SERPINA5: variants seen among roughly 807,000 people sequenced by gnomAD.
SERPINA5 encodes the protein serpin family A member 5.
SERPINA5 carries 25 observed loss-of-function variants against 25.3 expected under a neutral mutation model. The ratio of observed to expected loss-of-function variants is 0.99; its 90% CI spans 0.72 to 1.38. The LOEUF is 1.38. SERPINA5 is among the 40% of genes most tolerant of loss of function. SERPINA5 has a pLI of 0.00. For synonymous variants in SERPINA5, 234 were observed against 206.2 expected (o/e 1.14, Z -1.16); for missense variants, 599 against 509.5 (o/e 1.18, Z -1.69).
chr14:94,590,173 C>G lies in SERPINA5; in HGVS notation c.752C>G (p.Ser251Cys). ...QYHYLLDRNL[S>C]CRVVGVPYQG... The stretch of plus-strand genomic sequence containing the variant: ...CACTACCTCCTGGACCGGAACCTCT[C>G]CTGCAGGGTGGTGGGGGTCCCCTAC... Residue 251 changes from serine (S) to cysteine (C), a missense_variant, in exon 4 of 6, where the codon TCC (serine) becomes TGC (cysteine). Ser to Cys is a moderately radical substitution (Grantham distance 112). Transcript: ENST00000329597. 1 of 1,614,152 alleles carries G rather than the reference C, an allele frequency of 6.2e-7. No homozygotes were observed. Among genetic ancestry groups the G allele is most frequent in the South Asian group, 1.1e-5 (1 of 91,076 alleles).
intron 2 of SERPINA5, among the ~76,000 whole-genome samples, chr14:94,584,969 C>T (rs1885027408): frequency 6.6e-6 from 1 of 152,172 alleles, no homozygotes; most frequent in Admixed American, 6.5e-5. Context: ...TAGGGAGTGT[C>T]AGTGGGGGGA....
intron 2 of SERPINA5, among the ~76,000 whole-genome samples, chr14:94,585,330 G>T (rs1004048357): frequency 2.0e-5 from 3 of 152,162 alleles, no homozygotes; most frequent in African/African-American, 7.2e-5. Context: ...TGCCAGGTTC[G>T]ATTCTGCAGG....
Position 94,581,506 on chromosome 14 carries a change from G to C in SERPINA5, c.-114+16G>C, listed in dbSNP as rs897883578. The C allele has an allele frequency of 2.0e-5, 3 of 152,288 alleles. No individual in the cohort carries two copies. The highest frequency in any genetic ancestry group is 4.4e-5 in the Non-Finnish European group (3 of 68,124). The allele number at this position is 152,288 out of a possible 1,614,324, so 9.4% of individuals were successfully genotyped here. The stretch of plus-strand genomic sequence containing the variant: ...ACGGGACACAGTAAGTACCGATGCC[G>C]CAAAGGGAGGTCCCCAGGGCTTGAG... On this transcript the variant is annotated intron_variant, in intron 1 of 5. Transcript: ENST00000329597.
rs1885247831 is a variant in SERPINA5 at position 94,590,648 on chromosome 14, A to G, written c.891-101A>G. Reference sequence around the variant, plus strand: ...TTGGGTTAAGGAGTCCTTTTTTAAAACCATCAAAACTAAGAATCCAGTGCA... The same window carrying G: ...TTGGGTTAAGGAGTCCTTTTTTAAAGCCATCAAAACTAAGAATCCAGTGCA... On this transcript the variant is annotated intron_variant, in intron 4 of 5. Transcript: ENST00000329597. 1.3e-5 allele frequency: 18 copies of G among 1,360,488 alleles called. No individual in the cohort carries two copies. In the South Asian group the frequency reaches 2.5e-4, roughly 19 times the overall value. The allele number at this position is 1,360,488 out of a possible 1,614,324, so 84.3% of individuals were successfully genotyped here. A position where few individuals can be genotyped will look rare whatever the true frequency, so the allele number is the denominator to read the frequency against.
At position 94,581,458 on chromosome 14, in the gene SERPINA5, C is replaced by G. The variant is rs1884916247; in HGVS notation, c.-146C>G. ...CTTTCTGAGCCCGAGGGACTGCCAC[C>G]TCCACTGTGTGCACACTCAGCTACG... On this transcript the variant is annotated 5_prime_UTR_variant, in exon 1 of 6. Coordinates refer to ENST00000329597, the MANE Select transcript of SERPINA5 (RefSeq NM_000624.6). 1.3e-5 allele frequency: 2 copies of G among 152,308 alleles called. No individual in the cohort carries two copies. Among genetic ancestry groups the G allele is most frequent in the African/African-American group, 4.8e-5 (2 of 41,464 alleles). 9.4% of individuals were successfully genotyped at this position (152,308 alleles called of 1,614,324 possible).
At chr14:94,588,660 T>C (rs970923040) in intron 3 of SERPINA5, among the ~76,000 whole-genome samples, 1 of 152,176 alleles carries the variant, frequency 6.6e-6, no homozygotes, top group African/African-American at 2.4e-5. Flanking sequence ...TGGTCACAGA[T>C]CATGAGTATC....
intron 3 of SERPINA5, 44 bp from the exon 4 acceptor site, chr14:94,589,997 C>T (rs745892216): frequency 3.7e-5 from 57 of 1,527,638 alleles, no homozygotes; most frequent in Non-Finnish European, 4.8e-5. Flanking sequence ...ATTTCTAATT[C>T]TGACACAAAA....
intron 2 of SERPINA5, chr14:94,586,902 G>C (rs1430064644): frequency 1.9e-5 from 3 of 158,816 alleles, no homozygotes; most frequent in Admixed American, 6.2e-5. Flanking sequence ...GTTCATAGAA[G>C]GACCACAGCG....
intron 5 of SERPINA5, among the ~76,000 whole-genome samples, chr14:94,591,208 TCTCCACTCCACTC>T (rs1372575551): frequency 5.6e-4 from 70 of 124,470 alleles, no homozygotes; most frequent in African/African-American, 9.7e-4. Context: ...CCACTCCACA[TCTCCACTCCACTC>T]CTCCACTCCA....
At chr14:94,584,883 T>A (rs1885024919) in intron 2 of SERPINA5, among the ~76,000 whole-genome samples, 1 of 152,164 alleles carries the variant, frequency 6.6e-6, no homozygotes, top group African/African-American at 2.4e-5. Context: ...AATAGACTCA[T>A]TTAGAGAAGC....
chr14:94,584,128 C>T lies in SERPINA5; in HGVS notation c.-18+2418C>T, dbSNP rs569268528. Among the ~76,000 whole-genome samples the T allele has an allele frequency of 6.6e-5, 10 of 152,248 alleles. No individual in the cohort carries two copies. In the East Asian group the frequency reaches 1.2e-3, roughly 18 times the overall value. Reference sequence around the variant, plus strand: ...ACCAGGAGGTGAGGTCGAGGAGGAACGAGGTATCACTCCTCAGAGCCACTC... The same window carrying T: ...ACCAGGAGGTGAGGTCGAGGAGGAATGAGGTATCACTCCTCAGAGCCACTC... On this transcript the variant is annotated intron_variant, in intron 2 of 5. Transcript: ENST00000329597.
intron 5 of SERPINA5, among the ~76,000 whole-genome samples, chr14:94,591,112 C>T (rs1276225830): frequency 1.4e-5 from 2 of 147,904 alleles, no homozygotes; most frequent in East Asian, 2.0e-4. Context: ...TTCAGTTCCA[C>T]TCCACTCCAC....
intron 3 of SERPINA5, among the ~76,000 whole-genome samples, chr14:94,589,372 TGGG>T (rs1885201461): frequency 6.6e-6 from 1 of 151,546 alleles, no homozygotes; most frequent in African/African-American, 2.4e-5. Flanking sequence ...CACTTGAACC[TGGG>T]AGGTGGGGGC....
chr14:94,591,604 A>ATTC (rs1885303671), intron 5 of SERPINA5, among the ~76,000 whole-genome samples: 2 of 148,060 alleles, frequency 1.4e-5, no homozygotes, highest in African/African-American at 2.6e-5. Flanking sequence ...ATTCTATTCT[A>ATTC]TTCTATTCTC....
intron 5 of SERPINA5, 137 bp from the exon 6 acceptor site, chr14:94,591,920 T>G: frequency 2.1e-6 from 2 of 948,404 alleles, no homozygotes; most frequent in Non-Finnish European, 3.2e-6. Context: ...TGCTCCATTG[T>G]TCCATTTCCT....
chr14:94,584,800 A>T (rs1294587971), intron 2 of SERPINA5, among the ~76,000 whole-genome samples: 2 of 152,126 alleles, frequency 1.3e-5, no homozygotes, highest in Non-Finnish European at 2.9e-5. Context: ...GTTGAGCCAC[A>T]TTGTTTCTTT....
intron 5 of SERPINA5, 136 bp from the exon 6 acceptor site, chr14:94,591,921 T>C: frequency 4.2e-6 from 4 of 961,058 alleles, no homozygotes; most frequent in Non-Finnish European, 3.1e-6. Context: ...GCTCCATTGT[T>C]CCATTTCCTA....
At position 94,590,847 on chromosome 14, in the gene SERPINA5, A is replaced by G. The variant is rs558058210; in HGVS notation, c.989A>G (p.His330Arg). 5.6e-6 allele frequency: 9 copies of G among 1,614,022 alleles called. No homozygotes were observed. In the East Asian group the frequency reaches 2.0e-4, roughly 36 times the overall value. Residue 330 changes from histidine (H) to arginine (R), a missense_variant, in exon 5 of 6, where the codon CAT (histidine) becomes CGT (arginine). By Grantham distance (29) the His-to-Arg change is conservative (BLOSUM62 0). Transcript: ENST00000329597. ...SLGISNVFTS[H>R]ADLSGISNHS... ...GGGATCAGTAACGTCTTCACCTCCCATGCTGATCTGTCCGGCATCAGCAAC... is the reference window on the plus strand; with the variant it reads ...GGGATCAGTAACGTCTTCACCTCCCGTGCTGATCTGTCCGGCATCAGCAAC...
chr14:94,584,093 G>A (rs915477461), intron 2 of SERPINA5, among the ~76,000 whole-genome samples: 1 of 152,144 alleles, frequency 6.6e-6, no homozygotes, highest in African/African-American at 2.4e-5. Flanking sequence ...CAGGTGAACC[G>A]CCTGGGGATA....
Sources: gnomAD v4.1 joint callset for allele counts (sites outside exome capture counted in the v4.1 genomes callset) on GRCh38, gnomAD v4.1.1 for gene constraint, MANE v1.5 for transcripts, NCBI Gene and HGNC (gene_info 2026-07-23, HGNC 2026-07-21) for gene names.